Variants in PUDP observed in about 807,000 individuals in gnomAD.
PUDP encodes pseudouridine-5'-phosphatase.
PUDP carries 8 observed loss-of-function variants against 9.4 expected under a neutral mutation model. That is an observed-to-expected ratio of 0.85 (90% confidence interval 0.50 to 1.53). PUDP has a LOEUF of 1.53. Among genes scored for constraint, PUDP ranks in the 40% most tolerant of loss-of-function variants. The pLI, the probability that PUDP is intolerant of heterozygous loss-of-function variation, is 0.00. For missense variants in PUDP, 188 were observed against 189.7 expected (o/e 0.99, Z 0.05); for synonymous variants, 99 against 80.7 (o/e 1.23, Z -1.22).
Position 6,752,246 on chromosome X carries a change from A to G in PUDP, c.*248-45780T>C, listed in dbSNP as rs1406446211. ...GATTGCTTCTTCTTGGTCTTGATCC[A>G]TTTAATCATTCCTCCTTTTTCTGAT... On this transcript the variant is annotated intron_variant and NMD_transcript_variant, in intron 3 of 3. Coordinates refer to the PUDP transcript ENST00000655425. Among the ~76,000 whole-genome samples, 6 of 111,596 alleles carry G rather than the reference A, an allele frequency of 5.4e-5. No homozygotes were observed. The Admixed American group carries it at 5.7e-4, about 11-fold the overall frequency.
chrX:6,743,938 G>A (rs1355728406), intron 3 of PUDP, among the ~76,000 whole-genome samples: 1 of 111,734 alleles, frequency 8.9e-6, no homozygotes, highest in South Asian at 3.7e-4. Flanking sequence ...TAATCGGAAC[G>A]ACCACAGTGT....
In PUDP at chrX:7,079,797, T is replaced by G. The variant is rs1345755726; in HGVS notation, c.281-2348A>C. Among the ~76,000 whole-genome samples, 3 of 112,217 alleles carry G rather than the reference T, an allele frequency of 2.7e-5. No homozygotes were observed. In the East Asian group the frequency reaches 8.4e-4, roughly 31 times the overall value. ...AAATTTCTGGGATGTGGCTAAAACATTGCTTCGATGAAAACTGATGGCATT... is the reference window on the plus strand; with the variant it reads ...AAATTTCTGGGATGTGGCTAAAACAGTGCTTCGATGAAAACTGATGGCATT... On this transcript the variant is annotated intron_variant, in intron 2 of 3. Coordinates refer to ENST00000381077, the MANE Select transcript of PUDP (RefSeq NM_012080.5).
chrX:6,793,566 T>C (rs954446543), intron 3 of PUDP, among the ~76,000 whole-genome samples: 3 of 112,276 alleles, frequency 2.7e-5, no homozygotes, highest in Non-Finnish European at 3.8e-5. Flanking sequence ...AATGACATGA[T>C]GCTTCTTTCA....
At chrX:6,860,938 C>T (rs1926992860) in intron 3 of PUDP, among the ~76,000 whole-genome samples, 1 of 112,291 alleles carries the variant, frequency 8.9e-6, no homozygotes, top group Non-Finnish European at 1.9e-5. Context: ...ACGTACATGA[C>T]ACTATAATAA....
rs188823503 is a variant in PUDP, at chrX:6,907,004, C to T, written c.*247+70129G>A. ...TCTCCTTTGAGTCTTAGGCACACTC[C>T]CTCAGTTTACTGGTCTCTACTTGAT... is the stretch of plus-strand genomic sequence containing the variant. On this transcript the variant is annotated intron_variant and NMD_transcript_variant, in intron 3 of 3. Coordinates refer to the PUDP transcript ENST00000655425. Among the ~76,000 whole-genome samples, 3 of 111,164 alleles carry T rather than the reference C, an allele frequency of 2.7e-5. No homozygotes were observed. In the East Asian group the frequency reaches 8.6e-4, roughly 32 times the overall value.
intron 3 of PUDP, among the ~76,000 whole-genome samples, chrX:6,887,956 G>C (rs911437638): frequency 1.8e-5 from 2 of 111,500 alleles, no homozygotes; most frequent in African/African-American, 6.5e-5. Flanking sequence ...CTCAGAGACA[G>C]GGCAGACAGT....
At chrX:6,759,704 T>C (rs983429702) in intron 3 of PUDP, among the ~76,000 whole-genome samples, 2 of 111,935 alleles carry the variant, frequency 1.8e-5, no homozygotes, top group Non-Finnish European at 3.8e-5. Context: ...GCTTTCATGG[T>C]TTTATTCTGA....
At chrX:6,891,137 C>A (rs184025598) in intron 3 of PUDP, among the ~76,000 whole-genome samples, 4 of 109,673 alleles carry the variant, frequency 3.6e-5, no homozygotes, top group Admixed American at 2.0e-4. Context: ...ATAAATAAAT[C>A]AACAGAAATA....
At chrX:6,812,576 A>G (rs758560640) in intron 3 of PUDP, among the ~76,000 whole-genome samples, 1 of 111,693 alleles carries the variant, frequency 9.0e-6, no homozygotes, top group Admixed American at 9.5e-5. Context: ...AAACGATTTT[A>G]ATGTGATATT....
At chrX:7,057,955 G>A (rs958662630) in intron 3 of PUDP, 12 of 462,207 alleles carry the variant, frequency 2.6e-5, no homozygotes, top group African/African-American at 2.4e-4. Context: ...CTCACTTCCC[G>A]GTGATGCTTC....
intron 3 of PUDP, among the ~76,000 whole-genome samples, chrX:6,738,625 T>C (rs756789828): frequency 1.8e-5 from 2 of 111,908 alleles, no homozygotes; most frequent in Non-Finnish European, 3.8e-5. Context: ...TAGGGACATT[T>C]GGCCATGTCT....
intron 3 of PUDP, among the ~76,000 whole-genome samples, chrX:6,797,142 G>A (rs773119772): frequency 5.3e-5 from 6 of 112,180 alleles, no homozygotes; most frequent in East Asian, 2.8e-4. Flanking sequence ...TGTGATCACC[G>A]TAGAACATTG....
At chrX:6,708,407 A>G (rs1924494311) in intron 1 of PUDP, among the ~76,000 whole-genome samples, 1 of 111,522 alleles carries the variant, frequency 9.0e-6, no homozygotes, top group Non-Finnish European at 1.9e-5. Context: ...TAATCTATAA[A>G]CCATGGCCCA....
chrX:7,041,212 C>T (rs1297544671), intron 1 of PUDP, among the ~76,000 whole-genome samples: 1 of 111,433 alleles, frequency 9.0e-6, no homozygotes, highest in African/African-American at 3.3e-5. Flanking sequence ...GGGCAGGAAG[C>T]GAGAGTTTGG....
chrX:7,118,119 T>C (rs937163790), intron 1 of PUDP, among the ~76,000 whole-genome samples: 1 of 113,116 alleles, frequency 8.8e-6, no homozygotes, highest in African/African-American at 3.2e-5. Context: ...GTCACACTTA[T>C]GTGGGCTTGG....
At chrX:7,117,357 G>C (rs895521353) in intron 1 of PUDP, among the ~76,000 whole-genome samples, 1 of 112,433 alleles carries the variant, frequency 8.9e-6, no homozygotes, top group Non-Finnish European at 1.9e-5. Flanking sequence ...ATGGAAATGA[G>C]AAACTGAGAA....
chrX:6,815,756 C>T (rs1193981176), intron 3 of PUDP, among the ~76,000 whole-genome samples: 1 of 109,900 alleles, frequency 9.1e-6, no homozygotes, highest in Non-Finnish European at 1.9e-5. Context: ...AAACTCATTG[C>T]CTTTCACAGA....
At chrX:7,006,540 A>AT (rs201891537) in intron 1 of PUDP, among the ~76,000 whole-genome samples, 8 of 109,226 alleles carry the variant, frequency 7.3e-5, no homozygotes, top group East Asian at 5.8e-4. Flanking sequence ...AATTGGGTTG[A>AT]TTTTTTTTTG....
At chrX:7,028,032 A>G (rs1929743486) in intron 1 of PUDP, among the ~76,000 whole-genome samples, 1 of 105,442 alleles carries the variant, frequency 9.5e-6, no homozygotes, top group Non-Finnish European at 1.9e-5. Context: ...TAGTTTATAT[A>G]TAGAATGATA....
Sources: gnomAD v4.1 joint callset for allele counts (sites outside exome capture counted in the v4.1 genomes callset) on GRCh38, gnomAD v4.1.1 for gene constraint, MANE v1.5 for transcripts, NCBI Gene and HGNC (gene_info 2026-07-23, HGNC 2026-07-21) for gene names.